KMT2C: variants seen among roughly 807,000 people sequenced by gnomAD.
KMT2C encodes histone-lysine N-methyltransferase 2C.
Under a neutral mutation model 507.9 loss-of-function variants are expected in KMT2C, and 88 were observed. The observed-to-expected ratio is 0.17, with a 90% CI of 0.15 to 0.21. The LOEUF (loss-of-function observed/expected upper bound fraction) is 0.21, where lower values mean the gene tolerates loss of function less well. KMT2C is among the 10% of genes least tolerant of loss of function. The pLI, the probability that KMT2C is intolerant of heterozygous loss-of-function variation, is 1.00. For missense variants in KMT2C, 4,954 were observed against 5,957.8 expected (o/e 0.83, Z 5.55); for synonymous variants, 2,049 against 2,080.8 (o/e 0.98, Z 0.42).
chr7:152,409,080 T>C (rs2097653555), intron 1 of KMT2C, among the ~76,000 whole-genome samples: 1 of 151,916 alleles, frequency 6.6e-6, no homozygotes, highest in African/African-American at 2.4e-5. Flanking sequence ...CTCAACTCAC[T>C]GCAGTCTTGA....
At chr7:152,253,788 A>C (rs2095602377) in intron 9 of KMT2C, among the ~76,000 whole-genome samples, 1 of 152,170 alleles carries the variant, frequency 6.6e-6, no homozygotes, top group South Asian at 2.1e-4. Context: ...ATGGCCCTTC[A>C]TGTTTTTAGA....
Position 152,176,783 on chromosome 7 carries a change from A to G in KMT2C, c.8670T>C (p.Ser2890=), listed in dbSNP as rs770657811. 3.5e-5 allele frequency: 57 copies of G among 1,614,056 alleles called. No individual in the cohort carries two copies. Among genetic ancestry groups the G allele is most frequent in the Non-Finnish European group, 4.7e-5 (55 of 1,180,038 alleles). The change falls in exon 38 of 59, where the codon AGT becomes AGC. Residue 2890 remains serine (S), a synonymous_variant. Transcript: ENST00000262189. ...KRTNRETAGP[S]ANVIQASTQL... is the part of the protein sequence containing the mutation. The stretch of plus-strand genomic sequence containing the variant: ...GAGTGGATGCCTGAATGACATTTGC[A>G]CTGGGGCCAGCAGTTTCTCGATTGG...
rs2093892488 is a variant in KMT2C, at chr7:152,194,109, A to G, written c.4560T>C (p.Val1520=). ...YKIPELGGKD[V]EDLFTAVLSP... is the part of the protein sequence containing the mutation. Reference sequence around the variant, plus strand: ...TAAGTACAGCTGTAAATAAGTCTTCAACATCTTTTCCGCCAAGCTCTAGGA... The same window carrying G: ...TAAGTACAGCTGTAAATAAGTCTTCGACATCTTTTCCGCCAAGCTCTAGGA... Residue 1520 remains valine, a synonymous_variant, in exon 31 of 59, where the codon GTT becomes GTC. Coordinates refer to ENST00000262189, the MANE Select transcript of KMT2C (RefSeq NM_170606.3). 6.3e-7 allele frequency: 1 copy of G among 1,578,478 alleles called. No individual in the cohort carries two copies. The highest frequency in any genetic ancestry group is 8.6e-7 in the Non-Finnish European group (1 of 1,168,348).
At chr7:152,150,340 C>T (rs1476451481) in intron 51 of KMT2C, among the ~76,000 whole-genome samples, 1 of 152,062 alleles carries the variant, frequency 6.6e-6, no homozygotes, top group Non-Finnish European at 1.5e-5. Flanking sequence ...TATTTACGGC[C>T]GGGCGCAGTG....
chr7:152,245,034 C>T (rs1192787282), intron 14 of KMT2C, among the ~76,000 whole-genome samples: 2 of 152,200 alleles, frequency 1.3e-5, no homozygotes, highest in African/African-American at 4.8e-5. Flanking sequence ...TAACATCTCA[C>T]CTTCAGAAAA....
intron 6 of KMT2C, among the ~76,000 whole-genome samples, chr7:152,303,970 CAGAG>C (rs2096593867): frequency 6.6e-6 from 1 of 151,886 alleles, no homozygotes; most frequent in African/African-American, 2.4e-5. Context: ...GCCTAGGAGA[CAGAG>C]AGAGACTATG....
chr7:152,326,573 T>C (rs2129209252), intron 3 of KMT2C, among the ~76,000 whole-genome samples: 1 of 152,280 alleles, frequency 6.6e-6, no homozygotes, highest in African/African-American at 2.4e-5. Context: ...TTTTATATAC[T>C]GCACCATTAA....
At chr7:152,367,285 C>T (rs2097255268) in intron 1 of KMT2C, 1 of 1,228,146 alleles carries the variant, frequency 8.1e-7, no homozygotes, top group Admixed American at 2.0e-5. Context: ...CAGCTGCCAA[C>T]TATTCCAAGT....
At position 152,181,472 on chromosome 7, in the gene KMT2C, G is replaced by C. The variant is rs1023755746; in HGVS notation, c.6388C>G (p.Pro2130Ala). The C allele has an allele frequency of 6.2e-7, 1 of 1,614,040 alleles. No homozygotes were observed. Among genetic ancestry groups the C allele is most frequent in the Non-Finnish European group, 8.5e-7 (1 of 1,179,998 alleles). ...GTISRPTSQDPYSQPPGTPRP... is the reference protein window; with the variant it reads ...GTISRPTSQDAYSQPPGTPRP... ...GGAGTTCCTGGGGGTTGGGAGTATGGGTCCTGAGATGTTGGCCTTGATATG... is the reference window on the plus strand; with the variant it reads ...GGAGTTCCTGGGGGTTGGGAGTATGCGTCCTGAGATGTTGGCCTTGATATG... The change falls in exon 36 of 59, where the codon CCA becomes GCA. Residue 2130 changes from proline to alanine, a missense_variant. Transcript: ENST00000262189.
chr7:152,178,014 TTAAA>T lies in KMT2C; in HGVS notation c.7443-8_7443-5del. ...ACTACCTCCTGGAAATCCAAATCTT[TTAAA>T]AAAAAAAAAAAAAAAAAAAAAAAAG... On this transcript the variant is annotated splice_polypyrimidine_tract_variant and splice_region_variant and intron_variant, in intron 37 of 58. Transcript: ENST00000262189. The T allele has an allele frequency of 1.3e-5, 15 of 1,129,660 alleles. No individual in the cohort carries two copies. The highest frequency in any genetic ancestry group is 3.8e-5 in the South Asian group (1 of 26,132). 70.0% of individuals were successfully genotyped at this position (1,129,660 alleles called of 1,614,324 possible). A position where few individuals can be genotyped will look rare whatever the true frequency, so the allele number is the denominator to read the frequency against.
At chr7:152,378,211 A>G (rs943054756) in intron 1 of KMT2C, among the ~76,000 whole-genome samples, 13 of 152,212 alleles carry the variant, frequency 8.5e-5, no homozygotes, top group African/African-American at 3.1e-4. Context: ...AAAAAGTTCT[A>G]CTTTTGGGTA....
intron 55 of KMT2C, among the ~76,000 whole-genome samples, chr7:152,140,448 T>C (rs892525248): frequency 1.3e-5 from 2 of 152,210 alleles, no homozygotes; most frequent in Non-Finnish European, 2.9e-5. Flanking sequence ...CCCGTGCTGG[T>C]GGCCTGCCAG....
intron 3 of KMT2C, among the ~76,000 whole-genome samples, chr7:152,327,777 T>C (rs781003585): frequency 6.6e-6 from 1 of 151,744 alleles, no homozygotes. Flanking sequence ...GCTAACACAT[T>C]GAAACCCCGT....
intron 32 of KMT2C, 50 bp from the exon 33 acceptor site, chr7:152,187,526 A>G (rs745872985): frequency 1.3e-6 from 2 of 1,512,814 alleles, no homozygotes; most frequent in Non-Finnish European, 1.8e-6. Flanking sequence ...TAACTTCTTA[A>G]TATATGTTCA....
intron 1 of KMT2C, among the ~76,000 whole-genome samples, chr7:152,394,511 ATTTCT>A (rs1363984614): frequency 6.6e-5 from 10 of 152,272 alleles, no homozygotes; most frequent in African/African-American, 1.7e-4. Context: ...TTGCATTCTT[ATTTCT>A]TTTAAGATTC....
At chr7:152,287,119 C>T (rs1052203516) in intron 6 of KMT2C, among the ~76,000 whole-genome samples, 1 of 152,202 alleles carries the variant, frequency 6.6e-6, no homozygotes, top group Non-Finnish European at 1.5e-5. Flanking sequence ...ACGCGGCTTC[C>T]TCCCTCTAGA....
At chr7:152,285,834 A>T (rs780028277) in intron 6 of KMT2C, among the ~76,000 whole-genome samples, 6 of 152,150 alleles carry the variant, frequency 3.9e-5, no homozygotes, top group Non-Finnish European at 8.8e-5. Context: ...AAAATACAAA[A>T]ATTAGCTGGG....
At chr7:152,243,940 A>G (rs932490187) in intron 14 of KMT2C, among the ~76,000 whole-genome samples, 19 of 152,228 alleles carry the variant, frequency 1.2e-4, no homozygotes, top group African/African-American at 4.6e-4. Flanking sequence ...TACATTCAAT[A>G]TCTTTCTATA....
intron 8 of KMT2C, 33 bp downstream of exon 8, chr7:152,265,005 A>C (rs780956006): frequency 6.2e-6 from 10 of 1,612,708 alleles, no homozygotes; most frequent in Non-Finnish European, 8.5e-6. Context: ...TCTTAAACCC[A>C]ATACACAGCT....
Sources: gnomAD v4.1 joint callset for allele counts (sites outside exome capture counted in the v4.1 genomes callset) on GRCh38, gnomAD v4.1.1 for gene constraint, MANE v1.5 for transcripts, NCBI Gene and HGNC (gene_info 2026-07-23, HGNC 2026-07-21) for gene names.